The following GRID1 variants were observed in gnomAD, a reference collection of about 807,000 sequenced individuals.
GRID1 encodes the protein glutamate receptor ionotropic, delta-1.
A neutral mutation model predicts 98.0 loss-of-function variants in GRID1; 28 were observed. That is an observed-to-expected ratio of 0.29 (90% CI 0.21 to 0.39). The LOEUF is 0.39. Among genes scored for constraint, GRID1 ranks in the 10% least tolerant of loss-of-function variants. The probability of loss-of-function intolerance (pLI) is 1.00; values close to 1 mark genes in which losing one functional copy is unlikely to be tolerated. For synonymous variants in GRID1, 553 were observed against 538.5 expected (o/e 1.03, Z -0.37); for missense variants, 1,111 against 1,340.5 (o/e 0.83, Z 2.67).
At chr10:86,025,202 C>T (rs1218161340) in intron 4 of GRID1, among the ~76,000 whole-genome samples, 1 of 152,232 alleles carries the variant, frequency 6.6e-6, no homozygotes, top group Non-Finnish European at 1.5e-5. Context: ...GGACACATGG[C>T]TTCCCCTGGC....
chr10:85,892,905 G>A (rs1186068827), intron 5 of GRID1, among the ~76,000 whole-genome samples: 1 of 152,010 alleles, frequency 6.6e-6, no homozygotes, highest in East Asian at 1.9e-4. Context: ...GGGTTTACAG[G>A]ATAAGAAACT....
chr10:86,307,245 C>T (rs1186600244), intron 2 of GRID1, among the ~76,000 whole-genome samples: 1 of 152,086 alleles, frequency 6.6e-6, no homozygotes, highest in Non-Finnish European at 1.5e-5. Flanking sequence ...TATTGCACTC[C>T]CATGTCCATT....
In GRID1 at chr10:86,279,196, G is replaced by A. The variant is rs7894980; in HGVS notation, c.236-72548C>T. Among the ~76,000 whole-genome samples, 1,101 of 152,270 alleles carry A rather than the reference G, an allele frequency of 7.2e-3. 11 individuals carry two copies. Among genetic ancestry groups the A allele is most frequent in the African/African-American group, 0.025 (1,035 of 41,536 alleles). On this transcript the variant is annotated intron_variant, in intron 2 of 15. Coordinates refer to ENST00000327946, the MANE Select transcript of GRID1 (RefSeq NM_017551.3). ...GGAAAGGTACCACAAGAAGTCAGCA[G>A]TCTACAACTCAGAAGAGGGCCCTCA... is the stretch of plus-strand genomic sequence containing the variant.
At chr10:85,961,236 TATC>T (rs1842262426) in intron 4 of GRID1, among the ~76,000 whole-genome samples, 1 of 152,040 alleles carries the variant, frequency 6.6e-6, no homozygotes, top group Non-Finnish European at 1.5e-5. Flanking sequence ...AAGCCTCAAT[TATC>T]ATGCGGCACT....
At chr10:86,154,278 C>T (rs1845212268) in intron 3 of GRID1, among the ~76,000 whole-genome samples, 1 of 152,184 alleles carries the variant, frequency 6.6e-6, no homozygotes, top group African/African-American at 2.4e-5. Context: ...CACTGTCCCA[C>T]TCTCTCCCCT....
chr10:85,860,586 T>C (rs1843155057), intron 6 of GRID1, among the ~76,000 whole-genome samples: 1 of 152,164 alleles, frequency 6.6e-6, no homozygotes, highest in South Asian at 2.1e-4. Flanking sequence ...CCAGAGATTT[T>C]CGGCAAGTTT....
At chr10:85,748,071 T>G (rs1196384487) in intron 8 of GRID1, among the ~76,000 whole-genome samples, 1 of 151,832 alleles carries the variant, frequency 6.6e-6, no homozygotes. Context: ...GTCATAGGAG[T>G]GAGGTGCACC....
At chr10:85,726,887 T>C (rs1307912326) in intron 10 of GRID1, among the ~76,000 whole-genome samples, 1 of 152,226 alleles carries the variant, frequency 6.6e-6, no homozygotes, top group East Asian at 1.9e-4. Context: ...TTGAATTGTA[T>C]ATCTAAAATG....
Position 85,852,162 on chromosome 10 carries a change from G to A in GRID1, c.1233+2334C>T, listed in dbSNP as rs930300304. Among the ~76,000 whole-genome samples, 4 of 152,180 alleles carry A rather than the reference G, an allele frequency of 2.6e-5. No individual in the cohort carries two copies. In the South Asian group the frequency reaches 8.3e-4, roughly 31 times the overall value. On this transcript the variant is annotated intron_variant, in intron 8 of 15. Transcript: ENST00000327946. ...GATAACTTCCCCTTAGCAGCGATAAGCTGCTAGGCAGACAGATAACAACCA... is the reference window on the plus strand; with the variant it reads ...GATAACTTCCCCTTAGCAGCGATAAACTGCTAGGCAGACAGATAACAACCA...
At chr10:86,240,140 C>T (rs1037980446) in intron 2 of GRID1, among the ~76,000 whole-genome samples, 3 of 152,184 alleles carry the variant, frequency 2.0e-5, no homozygotes, top group African/African-American at 4.8e-5. Context: ...GTTTTTGAAG[C>T]CCACCAGCCT....
At chr10:85,846,676 G>A (rs1474518732) in intron 8 of GRID1, among the ~76,000 whole-genome samples, 1 of 151,812 alleles carries the variant, frequency 6.6e-6, no homozygotes, top group Non-Finnish European at 1.5e-5. Flanking sequence ...AATAAAGCAA[G>A]ACAACACAAA....
At chr10:86,189,054 C>T (rs1845764867) in intron 3 of GRID1, among the ~76,000 whole-genome samples, 1 of 152,142 alleles carries the variant, frequency 6.6e-6, no homozygotes, top group South Asian at 2.1e-4. Flanking sequence ...CCATCCAAAG[C>T]CACTTCCCTC....
intron 4 of GRID1, among the ~76,000 whole-genome samples, chr10:85,946,182 C>A (rs547400055): frequency 2.0e-5 from 3 of 152,246 alleles, no homozygotes; most frequent in East Asian, 3.9e-4. Flanking sequence ...CTGGGTAGTA[C>A]AAAAGATTTC....
intron 4 of GRID1, among the ~76,000 whole-genome samples, chr10:86,045,143 A>G (rs903520723): frequency 1.3e-5 from 2 of 152,216 alleles, no homozygotes; most frequent in African/African-American, 4.8e-5. Flanking sequence ...CATTCAATCC[A>G]CACAATAACA....
At chr10:85,682,971 T>G (rs1352415019) in intron 12 of GRID1, among the ~76,000 whole-genome samples, 3 of 152,258 alleles carry the variant, frequency 2.0e-5, no homozygotes, top group African/African-American at 7.2e-5. Flanking sequence ...TCCAAGGATG[T>G]GAAGAACATC....
At chr10:86,188,477 C>G (rs1031668806) in intron 3 of GRID1, among the ~76,000 whole-genome samples, 3 of 152,220 alleles carry the variant, frequency 2.0e-5, no homozygotes, top group Admixed American at 2.0e-4. Flanking sequence ...ATCCCCCTGC[C>G]AGCCCGCTGT....
chr10:85,933,229 TC>T (rs1774490650), intron 4 of GRID1, among the ~76,000 whole-genome samples: 1 of 144,128 alleles, frequency 6.9e-6, no homozygotes, highest in Admixed American at 7.2e-5. Context: ...TGATGCAGAC[TC>T]CTCAACTTTG....
At chr10:85,995,936 G>T (rs1842734357) in intron 4 of GRID1, among the ~76,000 whole-genome samples, 1 of 152,186 alleles carries the variant, frequency 6.6e-6, no homozygotes. Flanking sequence ...TAAAAGCTGT[G>T]AATAAAAGAT....
intron 8 of GRID1, among the ~76,000 whole-genome samples, chr10:85,828,326 C>T (rs1426356322): frequency 2.0e-5 from 3 of 151,918 alleles, no homozygotes; most frequent in African/African-American, 4.8e-5. Context: ...CTGAATCCCA[C>T]ATCAAAAAGT....
Sources: allele counts gnomAD v4.1 joint callset (sites outside exome capture counted in the v4.1 genomes callset), GRCh38; gene constraint gnomAD v4.1.1; transcripts MANE v1.5; gene names NCBI Gene and HGNC (gene_info 2026-07-23, HGNC 2026-07-21).